ARHGAP26: variants seen among roughly 807,000 people sequenced by gnomAD.
ARHGAP26 encodes Rho GTPase activating protein 26.
ARHGAP26 carries 38 observed loss-of-function variants against 104.8 expected under a neutral mutation model. The observed-to-expected ratio is 0.36, with a 90% CI of 0.28 to 0.48. ARHGAP26 has a LOEUF of 0.48. ARHGAP26 is among the 20% of genes least tolerant of loss of function. ARHGAP26 has a pLI of 0.99. For synonymous variants in ARHGAP26, 341 were observed against 340.0 expected (o/e 1.00, Z -0.03); for missense variants, 704 against 947.9 (o/e 0.74, Z 3.38).
intron 6 of ARHGAP26, among the ~76,000 whole-genome samples, chr5:142,897,031 G>A (rs1759567478): frequency 6.6e-6 from 1 of 152,170 alleles, no homozygotes; most frequent in African/African-American, 2.4e-5. Context: ...AGCTTTAAAA[G>A]TATGTATTTA....
chr5:143,056,517 A>G (rs1159635469), intron 16 of ARHGAP26, among the ~76,000 whole-genome samples: 3 of 152,062 alleles, frequency 2.0e-5, no homozygotes, highest in African/African-American at 7.2e-5. Context: ...ATATGACACC[A>G]TTTATATAAC....
chr5:142,943,698 T>G (rs369746101), intron 11 of ARHGAP26, among the ~76,000 whole-genome samples: 23 of 152,214 alleles, frequency 1.5e-4, no homozygotes, highest in African/African-American at 5.6e-4. Context: ...CTAACTTCTT[T>G]ATTAATTTAT....
chr5:142,781,942 C>T (rs1301289611), intron 1 of ARHGAP26, among the ~76,000 whole-genome samples: 2 of 152,162 alleles, frequency 1.3e-5, no homozygotes, highest in East Asian at 3.9e-4. Context: ...GTCTCAATCT[C>T]CTGACTTCGT....
At chr5:142,937,248 G>T (rs1483221779) in intron 11 of ARHGAP26, among the ~76,000 whole-genome samples, 1 of 152,082 alleles carries the variant, frequency 6.6e-6, no homozygotes, top group Non-Finnish European at 1.5e-5. Context: ...AAGGGCAAAA[G>T]ACACAAGGAG....
At chr5:143,032,802 T>C (rs1460870667) in intron 12 of ARHGAP26, among the ~76,000 whole-genome samples, 2 of 152,174 alleles carry the variant, frequency 1.3e-5, no homozygotes, top group Non-Finnish European at 2.9e-5. Context: ...CTCAAGTTGA[T>C]GAGAGTGGAA....
intron 17 of ARHGAP26, among the ~76,000 whole-genome samples, chr5:143,094,413 C>T (rs1791975876): frequency 6.6e-6 from 1 of 152,174 alleles, no homozygotes; most frequent in African/African-American, 2.4e-5. Context: ...TTTCTCACCC[C>T]TGAGGCTGCC....
intron 19 of ARHGAP26, among the ~76,000 whole-genome samples, chr5:143,139,327 G>A (rs750617980): frequency 2.6e-5 from 4 of 152,156 alleles, no homozygotes; most frequent in Admixed American, 1.3e-4. Context: ...TTACAGACAA[G>A]TAAACTGAGG....
intron 17 of ARHGAP26, among the ~76,000 whole-genome samples, chr5:143,117,220 C>T (rs1247678158): frequency 1.3e-5 from 2 of 152,206 alleles, no homozygotes; most frequent in Non-Finnish European, 1.5e-5. Context: ...GACAAAAGAG[C>T]AGGTTCTCTG....
chr5:142,841,643 A>G (rs35298), intron 1 of ARHGAP26, among the ~76,000 whole-genome samples: 21,935 of 152,224 alleles, frequency 0.14, 2,292 homozygotes, highest in East Asian at 0.46. Flanking sequence ...AGCTTGTCCC[A>G]TGAGTGCAAG....
chr5:143,034,783 C>T (rs567806674), intron 12 of ARHGAP26, among the ~76,000 whole-genome samples: 65 of 152,150 alleles, frequency 4.3e-4, no homozygotes, highest in African/African-American at 1.4e-3. Context: ...AATTCCTCCC[C>T]TGGATTCCAA....
rs1811483322 is a variant in ARHGAP26, at chr5:143,224,258, A to C, written c.*1812A>C. On this transcript the variant is annotated 3_prime_UTR_variant, in exon 23 of 23. Transcript: ENST00000645722. ...TGTTTAAGAGGGAGAGAGGGGAGGC[A>C]AAGCTGAAGAGAGTCAAGGTCACTG... 1 of 232,074 alleles carries C rather than the reference A, an allele frequency of 4.3e-6. No homozygotes were observed. Among genetic ancestry groups the C allele is most frequent in the African/African-American group, 2.2e-5 (1 of 45,270 alleles). The allele number at this position is 232,074 out of a possible 1,614,324, so 14.4% of individuals were successfully genotyped here.
At chr5:142,961,549 CA>C (rs1174979021) in intron 11 of ARHGAP26, among the ~76,000 whole-genome samples, 3 of 152,248 alleles carry the variant, frequency 2.0e-5, no homozygotes, top group African/African-American at 7.2e-5. Flanking sequence ...TAAGGAAAAT[CA>C]TGGCATAATA....
chr5:143,136,170 T>A (rs1797886396), intron 19 of ARHGAP26, among the ~76,000 whole-genome samples: 1 of 152,230 alleles, frequency 6.6e-6, no homozygotes, highest in South Asian at 2.1e-4. Flanking sequence ...CTTTAAAGCA[T>A]TCTCTGGGAG....
chr5:143,062,796 T>C (rs955076966), intron 17 of ARHGAP26, among the ~76,000 whole-genome samples: 1 of 152,240 alleles, frequency 6.6e-6, no homozygotes, highest in African/African-American at 2.4e-5. Context: ...ACATTTTAGA[T>C]ACTCTAATAT....
At chr5:142,816,973 G>C (rs1478063274) in intron 1 of ARHGAP26, among the ~76,000 whole-genome samples, 1 of 152,172 alleles carries the variant, frequency 6.6e-6, no homozygotes, top group Non-Finnish European at 1.5e-5. Context: ...GGGCTGTGTA[G>C]TGAGGAGAGA....
At chr5:143,156,328 C>T (rs1246743119) in intron 20 of ARHGAP26, among the ~76,000 whole-genome samples, 1 of 152,206 alleles carries the variant, frequency 6.6e-6, no homozygotes, top group Non-Finnish European at 1.5e-5. Flanking sequence ...AACTCCTTCT[C>T]TGCATTAGGG....
chr5:143,104,115 A>G (rs1001213689), intron 17 of ARHGAP26, among the ~76,000 whole-genome samples: 1 of 152,086 alleles, frequency 6.6e-6, no homozygotes, highest in Admixed American at 6.5e-5. Context: ...CACCAAAAGG[A>G]AAAATAAAGG....
chr5:143,107,155 C>T (rs951806630), intron 17 of ARHGAP26, among the ~76,000 whole-genome samples: 16 of 151,626 alleles, frequency 1.1e-4, no homozygotes, highest in South Asian at 2.1e-4. Flanking sequence ...GGTGTTCAGT[C>T]GGTATTGGGT....
chr5:142,957,054 T>C (rs902205286), intron 11 of ARHGAP26, among the ~76,000 whole-genome samples: 26 of 152,304 alleles, frequency 1.7e-4, no homozygotes, highest in African/African-American at 4.8e-4. Flanking sequence ...ATTGTGTACG[T>C]TGTCATAGAC....
Sources: allele counts gnomAD v4.1 joint callset (sites outside exome capture counted in the v4.1 genomes callset), GRCh38; gene constraint gnomAD v4.1.1; transcripts MANE v1.5; gene names NCBI Gene and HGNC (gene_info 2026-07-23, HGNC 2026-07-21).